The following SUPT3H variants were observed in gnomAD, a reference collection of about 807,000 sequenced individuals.
SUPT3H encodes SPT3 homolog, SAGA and STAGA complex component, also known as transcription initiation protein SPT3 homolog.
A neutral mutation model predicts 44.3 loss-of-function variants in SUPT3H; 44 were observed. The ratio of observed to expected loss-of-function variants is 0.99; its 90% CI spans 0.78 to 1.28. The LOEUF (loss-of-function observed/expected upper bound fraction) is 1.28. Ranked by LOEUF, SUPT3H falls within the 50% of genes most tolerant of loss-of-function variation. The probability of loss-of-function intolerance (pLI) is 0.00; values close to 1 mark genes in which losing one functional copy is unlikely to be tolerated. For missense variants in SUPT3H, 380 were observed against 387.1 expected (o/e 0.98, Z 0.15); for synonymous variants, 124 against 125.6 (o/e 0.99, Z 0.09).
intron 10 of SUPT3H, among the ~76,000 whole-genome samples, chr6:44,831,486 A>G (rs1768730614): frequency 6.6e-6 from 1 of 152,212 alleles, no homozygotes; most frequent in South Asian, 2.1e-4. Context: ...GTGGAGCCTC[A>G]GTCTGTGAAA....
intron 3 of SUPT3H, among the ~76,000 whole-genome samples, chr6:45,050,821 T>A (rs754852351): frequency 6.6e-6 from 1 of 151,540 alleles, no homozygotes; most frequent in African/African-American, 2.4e-5. Flanking sequence ...AGAGTAGAAA[T>A]GTAATAATGC....
chr6:45,213,897 G>A (rs1432832742), intron 2 of SUPT3H, among the ~76,000 whole-genome samples: 1 of 150,622 alleles, frequency 6.6e-6, no homozygotes, highest in African/African-American at 2.4e-5. Flanking sequence ...GTACTAAAAA[G>A]GGCTTATTTC....
At chr6:45,301,503 T>C (rs986647356) in intron 2 of SUPT3H, among the ~76,000 whole-genome samples, 7 of 152,150 alleles carry the variant, frequency 4.6e-5, no homozygotes, top group Non-Finnish European at 7.4e-5. Flanking sequence ...TTGAGGATAA[T>C]TGCTTCATCT....
At chr6:45,191,559 CT>C (rs530635449) in intron 2 of SUPT3H, among the ~76,000 whole-genome samples, 84 of 152,146 alleles carry the variant, frequency 5.5e-4, no homozygotes, top group African/African-American at 1.9e-3. Flanking sequence ...AAACTATGAA[CT>C]TTAGTTAATA....
intron 2 of SUPT3H, among the ~76,000 whole-genome samples, chr6:45,168,066 C>T (rs1215018900): frequency 6.6e-6 from 1 of 152,162 alleles, no homozygotes; most frequent in Non-Finnish European, 1.5e-5. Context: ...CCACCTCGGC[C>T]TCCCAAAGTG....
chr6:44,913,225 T>C (rs1417216997), intron 10 of SUPT3H, among the ~76,000 whole-genome samples: 1 of 152,216 alleles, frequency 6.6e-6, no homozygotes, highest in Non-Finnish European at 1.5e-5. Flanking sequence ...AGGACACATT[T>C]CTTTGCATTA....
At chr6:45,316,149 T>A (rs1784665449) in intron 2 of SUPT3H, among the ~76,000 whole-genome samples, 1 of 152,098 alleles carries the variant, frequency 6.6e-6, no homozygotes, top group Non-Finnish European at 1.5e-5. Context: ...GTAACAATGA[T>A]ACAATGGACT....
At chr6:45,313,643 A>T (rs1310246353) in intron 2 of SUPT3H, among the ~76,000 whole-genome samples, 1 of 92,864 alleles carries the variant, frequency 1.1e-5, no homozygotes, top group African/African-American at 4.6e-5. Flanking sequence ...TTGAAATGGT[A>T]ATTTAAAAAT....
intron 9 of SUPT3H, among the ~76,000 whole-genome samples, chr6:44,934,183 C>T (rs1027262359): frequency 6.6e-6 from 1 of 152,052 alleles, no homozygotes; most frequent in Non-Finnish European, 1.5e-5. Flanking sequence ...GAATATAACT[C>T]TATAGATAGC....
intron 3 of SUPT3H, among the ~76,000 whole-genome samples, chr6:45,087,890 G>T (rs181683460): frequency 3.2e-3 from 486 of 151,994 alleles, no homozygotes; most frequent in Non-Finnish European, 4.7e-3. Context: ...ACTAAACATA[G>T]AAGTCGCCAC....
At chr6:45,096,893 T>C (rs917018760) in intron 3 of SUPT3H, among the ~76,000 whole-genome samples, 3 of 152,166 alleles carry the variant, frequency 2.0e-5, no homozygotes, top group Non-Finnish European at 4.4e-5. Context: ...TCAATCTTGA[T>C]ATATATCTAT....
In SUPT3H at chr6:44,880,452, T is replaced by C. The variant is rs901327807; in HGVS notation, c.913-50595A>G. ...GTGAAAAGACCAAACCTACACTTGA[T>C]TGGTGTACCTGAAAGTGACGGGGAG... On this transcript the variant is annotated intron_variant, in intron 10 of 10. Coordinates refer to ENST00000371459, the MANE Select transcript of SUPT3H (RefSeq NM_003599.4). Among the ~76,000 whole-genome samples, 7 of 152,288 alleles carry C rather than the reference T, an allele frequency of 4.6e-5. No homozygotes were observed. In the South Asian group the frequency reaches 1.0e-3, roughly 23 times the overall value.
intron 2 of SUPT3H, among the ~76,000 whole-genome samples, chr6:45,279,156 CA>C (rs1411104733): frequency 3.3e-5 from 5 of 152,126 alleles, no homozygotes; most frequent in African/African-American, 1.2e-4. Context: ...AAACAGCCTT[CA>C]AATATCTAAA....
At chr6:44,928,860 GCGACAGAACGAGACT>G (rs1396156726) in intron 10 of SUPT3H, among the ~76,000 whole-genome samples, 1 of 97,526 alleles carries the variant, frequency 1.0e-5, no homozygotes, top group East Asian at 3.4e-4. Context: ...TCCCGCCTGG[GCGACAGAACGAGACT>G]CCGTCTCAAA....
intron 2 of SUPT3H, among the ~76,000 whole-genome samples, chr6:45,151,127 C>T (rs763098353): frequency 6.6e-6 from 1 of 152,154 alleles, no homozygotes; most frequent in Non-Finnish European, 1.5e-5. Context: ...ATTTCTCCAA[C>T]TATAGCCTTT....
chr6:44,862,851 T>G (rs1057127245), intron 10 of SUPT3H, among the ~76,000 whole-genome samples: 1 of 152,064 alleles, frequency 6.6e-6, no homozygotes. Context: ...TTAAAAAATT[T>G]TAAAAACACC....
At chr6:45,140,345 A>G (rs991801994) in intron 2 of SUPT3H, among the ~76,000 whole-genome samples, 1 of 152,114 alleles carries the variant, frequency 6.6e-6, no homozygotes, top group Non-Finnish European at 1.5e-5. Context: ...CCATCACCTG[A>G]GAAGCCAGAA....
chr6:44,943,104 T>C (rs77885543), intron 9 of SUPT3H, among the ~76,000 whole-genome samples: 3 of 152,162 alleles, frequency 2.0e-5, no homozygotes, highest in Non-Finnish European at 4.4e-5. Context: ...AAAACAGCAA[T>C]TCTAACCATG....
chr6:45,212,395 G>T (rs112699521), intron 2 of SUPT3H, among the ~76,000 whole-genome samples: 4,396 of 151,796 alleles, frequency 0.029, 251 homozygotes, highest in African/African-American at 0.1. Flanking sequence ...ACTTCATCAT[G>T]GCTTTATTAA....
Sources: gnomAD v4.1 joint callset for allele counts (sites outside exome capture counted in the v4.1 genomes callset) on GRCh38, gnomAD v4.1.1 for gene constraint, MANE v1.5 for transcripts, NCBI Gene and HGNC (gene_info 2026-07-23, HGNC 2026-07-21) for gene names.